DROSHA: variants seen among roughly 807,000 people sequenced by gnomAD.
DROSHA encodes the protein ribonuclease 3.
Under a neutral mutation model 181.9 loss-of-function variants are expected in DROSHA, and 56 were observed. The observed-to-expected ratio is 0.31, with a 90% CI of 0.25 to 0.38. DROSHA has a LOEUF of 0.38. Among genes scored for constraint, DROSHA ranks in the 10% least tolerant of loss-of-function variants. DROSHA has a pLI of 1.00. For synonymous variants in DROSHA, 524 were observed against 591.2 expected, an observed-to-expected ratio of 0.89 and a Z score of 1.65; for missense variants, 1,218 against 1,743.5, an observed-to-expected ratio of 0.70 and a Z score of 5.37.
At position 31,446,269 on chromosome 5, in the gene DROSHA, A is replaced by G. The variant is rs192727450; in HGVS notation, c.2882+2278T>C. ...AGACCACCCTGGTTAACACAGTGAG[A>G]CCCTGTCTCTACTAAAAATACAAAA... On this transcript the variant is annotated intron_variant, in intron 23 of 35. Coordinates refer to ENST00000344624, the MANE Select transcript of DROSHA (RefSeq NM_001382508.1). 2.2e-4 allele frequency among the ~76,000 whole-genome samples: 33 copies of G among 151,876 alleles called. No homozygotes were observed. In the East Asian group the frequency reaches 5.6e-3, roughly 26 times the overall value.
At chr5:31,430,316 C>T (rs533380289) in intron 26 of DROSHA, among the ~76,000 whole-genome samples, 21 of 152,146 alleles carry the variant, frequency 1.4e-4, no homozygotes, top group Non-Finnish European at 2.8e-4. Context: ...TCCTGGGTAC[C>T]ATGCAAAGCA....
chr5:31,486,451 G>T, intron 14 of DROSHA, 40 bp downstream of exon 14: 1 of 1,602,180 alleles, frequency 6.2e-7, no homozygotes, highest in South Asian at 1.1e-5. Context: ...ACAAGCAAAA[G>T]AGCAAACTAC....
intron 20 of DROSHA, among the ~76,000 whole-genome samples, chr5:31,454,269 CAAA>C (rs146907468): frequency 0.064 from 9,802 of 151,972 alleles, 757 homozygotes; most frequent in African/African-American, 0.18. Flanking sequence ...ACTGAAAACA[CAAA>C]AAAACAAAAA....
At chr5:31,464,798 T>A (rs566424800) in intron 19 of DROSHA, among the ~76,000 whole-genome samples, 1 of 152,104 alleles carries the variant, frequency 6.6e-6, no homozygotes, top group Non-Finnish European at 1.5e-5. Context: ...TACAATGGCA[T>A]ACTTTATATA....
rs745375181 is a variant in DROSHA, at chr5:31,529,098, T to C, written c.-39A>G. On this transcript the variant is annotated 5_prime_UTR_variant, in exon 4 of 36. It adds an upstream start codon to the 5' untranslated region. Transcript: ENST00000344624. ...GATATGTCACATCTTCCACAGAGAA[T>C]ATAAGCTCTAAAAAACAGAAAGAAT... 2.9e-5 allele frequency: 47 copies of C among 1,608,946 alleles called. No homozygotes were observed. The highest frequency in any genetic ancestry group is 4.0e-5 in the Non-Finnish European group (47 of 1,177,848).
chr5:31,444,684 T>C (rs753739218), intron 23 of DROSHA, among the ~76,000 whole-genome samples: 5 of 152,180 alleles, frequency 3.3e-5, no homozygotes, highest in Non-Finnish European at 4.4e-5. Flanking sequence ...TTCTACTTAT[T>C]AAAATACAGA....
rs1261656161 is a variant in DROSHA, at chr5:31,515,033, G to A, written c.1245C>T (p.Cys415=). The A allele has an allele frequency of 2.5e-6, 4 of 1,613,910 alleles. No homozygotes were observed. The Admixed American group carries it at 5.0e-5, about 20-fold the overall frequency. The change falls in exon 8 of 36, where the codon TGC becomes TGT. Residue 415 remains cysteine (C), a synonymous_variant. Coordinates refer to ENST00000344624, the MANE Select transcript of DROSHA (RefSeq NM_001382508.1). ...TGGAGTAGTAGTTTTCTGAATGAGT[G>A]CATCGAATCCACACAGGCTTAAGAA... The part of the protein sequence containing the change: ...EELLKPVWIR[C]THSENYYSSD...
chr5:31,438,152 T>A (rs1207215499), intron 23 of DROSHA, among the ~76,000 whole-genome samples: 3 of 152,116 alleles, frequency 2.0e-5, no homozygotes, highest in Non-Finnish European at 4.4e-5. Context: ...ACGGAAAACC[T>A]CCTCCTGTGT....
At chr5:31,446,222 G>A (rs530119975) in intron 23 of DROSHA, among the ~76,000 whole-genome samples, 19 of 151,986 alleles carry the variant, frequency 1.3e-4, no homozygotes, top group South Asian at 2.1e-4. Context: ...CAAGGCGGGC[G>A]GATCACAAGG....
chr5:31,480,796 C>T (rs1159745078), intron 16 of DROSHA, among the ~76,000 whole-genome samples: 1 of 152,064 alleles, frequency 6.6e-6, no homozygotes, highest in African/African-American at 2.4e-5. Context: ...ACAAGACAGA[C>T]AAATGTTTAC....
At chr5:31,454,688 C>A (rs1021750096) in intron 20 of DROSHA, among the ~76,000 whole-genome samples, 1 of 152,030 alleles carries the variant, frequency 6.6e-6, no homozygotes, top group Non-Finnish European at 1.5e-5. Flanking sequence ...CACCTGTAAT[C>A]CCAGCACTGT....
In DROSHA at chr5:31,529,965, T is replaced by C. The variant is rs1396306043; in HGVS notation, c.-47+833A>G. ...ATTTTTTAAAAACTCACATAAATAT[T>C]GAGTACAAAAAGCTGTAACATAGAA... On this transcript the variant is annotated intron_variant, in intron 3 of 35. Transcript: ENST00000344624. 2.0e-5 allele frequency among the ~76,000 whole-genome samples: 3 copies of C among 152,144 alleles called. No homozygotes were observed. In the East Asian group the frequency reaches 5.8e-4, roughly 29 times the overall value.
At chr5:31,427,606 C>A (rs933221856) in intron 27 of DROSHA, among the ~76,000 whole-genome samples, 3 of 152,166 alleles carry the variant, frequency 2.0e-5, no homozygotes, top group Non-Finnish European at 2.9e-5. Flanking sequence ...CACCCAATCC[C>A]AAAGTAATCT....
At position 31,423,902 on chromosome 5, in the gene DROSHA, A is replaced by C. The variant is rs868023366; in HGVS notation, c.3261+525T>G. Among the ~76,000 whole-genome samples, 48 of 152,268 alleles carry C rather than the reference A, an allele frequency of 3.2e-4. 1 individual carries two copies. Among genetic ancestry groups the C allele is most frequent in the African/African-American group, 1.1e-3 (47 of 41,558 alleles). The stretch of plus-strand genomic sequence containing the variant: ...CATATGTAGAGCTTTTAAATTCCAA[A>C]ATCTTGAGTGAAAAGCTATCACACT... On this transcript the variant is annotated intron_variant, in intron 28 of 35. Coordinates refer to ENST00000344624, the MANE Select transcript of DROSHA (RefSeq NM_001382508.1).
At chr5:31,448,303 T>C (rs7730068) in intron 23 of DROSHA, among the ~76,000 whole-genome samples, 35 of 152,256 alleles carry the variant, frequency 2.3e-4, no homozygotes, top group African/African-American at 7.2e-4. Context: ...GACAAATCCA[T>C]AGAGGTTGAA....
At chr5:31,412,097 T>C (rs1014804648) in intron 30 of DROSHA, among the ~76,000 whole-genome samples, 5 of 152,162 alleles carry the variant, frequency 3.3e-5, no homozygotes, top group African/African-American at 1.2e-4. Flanking sequence ...AACGAATCCA[T>C]TATAGAAGTG....
At chr5:31,473,021 T>C (rs1749924796) in intron 16 of DROSHA, among the ~76,000 whole-genome samples, 1 of 152,228 alleles carries the variant, frequency 6.6e-6, no homozygotes, top group Admixed American at 6.5e-5. Flanking sequence ...TGGACCAACA[T>C]GGGCAACCAT....
intron 13 of DROSHA, among the ~76,000 whole-genome samples, chr5:31,489,898 C>T (rs904071641): frequency 2.9e-3 from 15 of 5,244 alleles, no homozygotes; most frequent in African/African-American, 3.5e-3. Flanking sequence ...CTTTTTTTGA[C>T]GCGGAGTTTC....
At chr5:31,432,904 T>C (rs1390068948) in intron 25 of DROSHA, among the ~76,000 whole-genome samples, 1 of 152,228 alleles carries the variant, frequency 6.6e-6, no homozygotes, top group African/African-American at 2.4e-5. Context: ...GAATATTTTT[T>C]ATGCAACTCC....
Sources: allele counts gnomAD v4.1 joint callset (sites outside exome capture counted in the v4.1 genomes callset), GRCh38; gene constraint gnomAD v4.1.1; transcripts MANE v1.5; gene names NCBI Gene and HGNC (gene_info 2026-07-23, HGNC 2026-07-21).